The following CUX1 variants were observed in gnomAD, a reference collection of about 807,000 sequenced individuals.
The protein encoded by CUX1 is cut like homeobox 1, also known as protein CASP.
A neutral mutation model predicts 158.8 loss-of-function variants in CUX1; 31 were observed. That is an observed-to-expected ratio of 0.20 (90% CI 0.15 to 0.26). The LOEUF is 0.26. CUX1 is among the 10% of genes least tolerant of loss of function. CUX1 has a pLI of 1.00. For missense variants in CUX1, 1,589 were observed against 2,014.6 expected (o/e 0.79, Z 4.04); for synonymous variants, 879 against 862.1 (o/e 1.02, Z -0.34).
At chr7:101,888,265 A>G (rs528955626) in intron 1 of CUX1, among the ~76,000 whole-genome samples, 1 of 152,128 alleles carries the variant, frequency 6.6e-6, no homozygotes, top group East Asian at 1.9e-4. Flanking sequence ...CAGGAGACGG[A>G]GGTTGTAGTG....
At chr7:102,055,028 A>G (rs1367176369) in intron 3 of CUX1, among the ~76,000 whole-genome samples, 1 of 151,974 alleles carries the variant, frequency 6.6e-6, no homozygotes, top group Non-Finnish European at 1.5e-5. Flanking sequence ...GTGTAAATCA[A>G]CTTCGTGACT....
At chr7:101,945,846 C>T (rs556264018) in intron 2 of CUX1, among the ~76,000 whole-genome samples, 3 of 152,306 alleles carry the variant, frequency 2.0e-5, no homozygotes, top group Admixed American at 6.5e-5. Flanking sequence ...CTTCCCTCCA[C>T]CTATGGGTCT....
At chr7:101,917,050 G>GT (rs1372903423) in intron 2 of CUX1, among the ~76,000 whole-genome samples, 1 of 152,172 alleles carries the variant, frequency 6.6e-6, no homozygotes, top group Admixed American at 6.5e-5. Flanking sequence ...TCTTCCCCTT[G>GT]TATGGGAAGG....
Position 102,185,991 on chromosome 7 carries a change from G to A in CUX1, c.1018-3822G>A, listed in dbSNP as rs529889603. On this transcript the variant is annotated intron_variant, in intron 11 of 23. Transcript: ENST00000292535. Reference sequence around the variant, plus strand: ...TAAGCGCAGGTCTAGCATACCACGCGGCCAGCGGTAGCGTGACCTGACAGG... The same window carrying A: ...TAAGCGCAGGTCTAGCATACCACGCAGCCAGCGGTAGCGTGACCTGACAGG... Among the ~76,000 whole-genome samples, 30 of 152,284 alleles carry A rather than the reference G, an allele frequency of 2.0e-4. No homozygotes were observed. In the South Asian group the frequency reaches 4.8e-3, roughly 24 times the overall value.
At chr7:102,134,411 T>C (rs1352965891) in intron 8 of CUX1, among the ~76,000 whole-genome samples, 5 of 152,240 alleles carry the variant, frequency 3.3e-5, no homozygotes, top group Non-Finnish European at 5.9e-5. Flanking sequence ...AAAACATGAT[T>C]AGACTTCTGT....
chr7:102,181,956 A>G (rs541981240), intron 11 of CUX1, among the ~76,000 whole-genome samples: 8 of 152,382 alleles, frequency 5.2e-5, no homozygotes, highest in Admixed American at 4.6e-4. Flanking sequence ...TGCTTTTGCC[A>G]TGGGGAACCC....
At chr7:102,067,488 G>A (rs998124849) in intron 3 of CUX1, among the ~76,000 whole-genome samples, 5 of 150,528 alleles carry the variant, frequency 3.3e-5, no homozygotes, top group South Asian at 2.1e-4. Flanking sequence ...TGCCCACCTC[G>A]GCCTCCCAAA....
chr7:101,862,130 C>A (rs973637572), intron 1 of CUX1, among the ~76,000 whole-genome samples: 1 of 152,172 alleles, frequency 6.6e-6, no homozygotes, highest in East Asian at 1.9e-4. Context: ...CCACTGTGCC[C>A]GGCCACCCCT....
At chr7:101,895,200 T>C (rs948021082) in intron 1 of CUX1, among the ~76,000 whole-genome samples, 1 of 152,142 alleles carries the variant, frequency 6.6e-6, no homozygotes, top group Admixed American at 6.5e-5. Flanking sequence ...TTTGTATTTT[T>C]AGTAGAGACG....
intron 1 of CUX1, among the ~76,000 whole-genome samples, chr7:101,877,422 C>T (rs1374696429): frequency 6.6e-6 from 1 of 152,204 alleles, no homozygotes; most frequent in African/African-American, 2.4e-5. Flanking sequence ...TACAGTGGCT[C>T]ATGCCTGTAA....
intron 8 of CUX1, chr7:102,125,604 C>CT (rs1832544032): frequency 6.6e-6 from 1 of 150,826 alleles, no homozygotes; most frequent in Admixed American, 6.7e-5. Context: ...CGCGGGAAGG[C>CT]TGGCAGAAAG....
chr7:101,868,705 A>G (rs1318174513), intron 1 of CUX1, among the ~76,000 whole-genome samples: 5 of 152,144 alleles, frequency 3.3e-5, no homozygotes, highest in Non-Finnish European at 5.9e-5. Context: ...CAAAGCTCAG[A>G]ATGGATGATG....
intron 2 of CUX1, among the ~76,000 whole-genome samples, chr7:102,012,341 C>T (rs923687331): frequency 6.6e-6 from 1 of 151,992 alleles, no homozygotes; most frequent in African/African-American, 2.4e-5. Flanking sequence ...GTGCGTGCCA[C>T]CATGCCTGGC....
At chr7:101,912,290 C>A (rs951795118) in intron 1 of CUX1, among the ~76,000 whole-genome samples, 1 of 147,710 alleles carries the variant, frequency 6.8e-6, no homozygotes, top group Non-Finnish European at 1.5e-5. Flanking sequence ...GGCCAGTGGG[C>A]AGCATATTGT....
rs10643207 is a variant in CUX1, at chr7:101,976,900, ATTTTTTTTTT to A, written c.142-51179_142-51170del. Among the ~76,000 whole-genome samples, 141 of 39,466 alleles carry A rather than the reference ATTTTTTTTTT, an allele frequency of 3.6e-3. 3 individuals are homozygous for A. Among genetic ancestry groups the A allele is most frequent in the African/African-American group, 0.013 (117 of 9,034 alleles). The allele number at this position is 39,466 out of a possible 152,430, so 25.9% of individuals were successfully genotyped here. A position where few individuals can be genotyped will look rare whatever the true frequency, so the allele number is the denominator to read the frequency against. Reference sequence around the variant, plus strand: ...ATTTGAATAGTCTTTTCCCTTTCTGATTTTTTTTTTTTTTTTTTTTTTTTTTTTGGAGATG... The same window carrying A: ...ATTTGAATAGTCTTTTCCCTTTCTGATTTTTTTTTTTTTTTTTTGGAGATG... On this transcript the variant is annotated intron_variant, in intron 2 of 23. Transcript: ENST00000292535.
chr7:102,152,864 G>C (rs1835843972), intron 8 of CUX1, among the ~76,000 whole-genome samples: 1 of 152,232 alleles, frequency 6.6e-6, no homozygotes, highest in South Asian at 2.1e-4. Flanking sequence ...ACTGCAGAGT[G>C]TGGTGTCGTC....
chr7:101,817,606 G>C, upstream of CUX1: 1 of 1,536,410 alleles, frequency 6.5e-7, no homozygotes, highest in Non-Finnish European at 8.8e-7. The surrounding 1 kb of genome is among the most constrained non-coding windows in gnomAD (Gnocchi z 4.1). Flanking sequence ...CGGCGCCCGC[G>C]GCGCCGGGAC....
At chr7:101,971,414 A>G (rs1811937653) in intron 2 of CUX1, among the ~76,000 whole-genome samples, 2 of 152,176 alleles carry the variant, frequency 1.3e-5, no homozygotes, top group Admixed American at 1.3e-4. Context: ...TTGGGAGACC[A>G]AGGCAGGAGG....
At chr7:101,853,986 G>C (rs550305813) in intron 1 of CUX1, among the ~76,000 whole-genome samples, 22 of 152,216 alleles carry the variant, frequency 1.4e-4, no homozygotes, top group Non-Finnish European at 2.9e-4. Flanking sequence ...CAGGCGGCCT[G>C]CTCCATCTTG....
Sources: allele counts gnomAD v4.1 joint callset (sites outside exome capture counted in the v4.1 genomes callset), GRCh38; gene constraint gnomAD v4.1.1; non-coding constraint Gnocchi (gnomAD v3.1); transcripts MANE v1.5; gene names NCBI Gene and HGNC (gene_info 2026-07-23, HGNC 2026-07-21).